The following FBXL17 variants were observed in gnomAD, a reference collection of about 807,000 sequenced individuals.
FBXL17 encodes F-box/LRR-repeat protein 17.
Under a neutral mutation model 66.2 loss-of-function variants are expected in FBXL17, and 22 were observed. The ratio of observed to expected loss-of-function variants is 0.33; its 90% CI spans 0.24 to 0.47. FBXL17 has a LOEUF of 0.47. FBXL17 is among the 20% of genes least tolerant of loss of function. The pLI is 1.00. For synonymous variants in FBXL17, 474 were observed against 400.5 expected, an observed-to-expected ratio of 1.18 and a Z score of -2.19; for missense variants, 878 against 948.2, an observed-to-expected ratio of 0.93 and a Z score of 0.97.
chr5:107,871,066 A>AC (rs747732344), intron 8 of FBXL17, among the ~76,000 whole-genome samples: 17,353 of 147,678 alleles, frequency 0.12, 2,109 homozygotes, highest in African/African-American at 0.21. Context: ...GCAAAAAAAA[A>AC]AAAAAAAAAA....
chr5:108,165,292 G>A (rs546743003), intron 6 of FBXL17, among the ~76,000 whole-genome samples: 2 of 151,248 alleles, frequency 1.3e-5, no homozygotes, highest in East Asian at 3.9e-4. Context: ...ACAGAAGGAA[G>A]TGGGTAAGTT....
intron 4 of FBXL17, among the ~76,000 whole-genome samples, chr5:108,261,267 G>T (rs1427799487): frequency 6.6e-6 from 1 of 151,608 alleles, no homozygotes; most frequent in Non-Finnish European, 1.5e-5. Flanking sequence ...GTGAGAAGAG[G>T]GAGGTTGACA....
At chr5:108,069,782 A>G (rs781189143) in intron 6 of FBXL17, among the ~76,000 whole-genome samples, 2 of 152,208 alleles carry the variant, frequency 1.3e-5, no homozygotes, top group East Asian at 3.8e-4. Context: ...CTCCTTACAT[A>G]TATCTTTCTA....
intron 7 of FBXL17, among the ~76,000 whole-genome samples, chr5:107,994,401 T>C (rs1323652980): frequency 2.0e-5 from 3 of 152,210 alleles, no homozygotes; most frequent in Non-Finnish European, 4.4e-5. Context: ...TGTGTGTGTG[T>C]GTGTATATAT....
At chr5:108,186,362 T>C (rs560789909) in intron 5 of FBXL17, 115 bp from the exon 6 acceptor site, 5 of 756,752 alleles carry the variant, frequency 6.6e-6, no homozygotes, top group South Asian at 2.1e-5. Context: ...TTAAAACAGA[T>C]AGGCTAGAAT....
chr5:107,980,664 A>ATATATATATATATTT lies in FBXL17; in HGVS notation c.1822+40260_1822+40261insAAATATATATATATA. 1.1e-4 allele frequency among the ~76,000 whole-genome samples: 7 copies of ATATATATATATATTT among 62,104 alleles called. 1 individual carries two copies. Among genetic ancestry groups the ATATATATATATATTT allele is most frequent in the African/African-American group, 7.2e-4 (7 of 9,736 alleles). 40.7% of individuals were successfully genotyped at this position (62,104 alleles called of 152,430 possible). A position where few individuals can be genotyped will look rare whatever the true frequency, so the allele number is the denominator to read the frequency against. Reference sequence around the variant, plus strand: ...TAAAATAATATATATATATATATATATTTTTTTTTTGAGATGGAGTCTTGC... The same window carrying ATATATATATATATTT: ...TAAAATAATATATATATATATATATATATATATATATATTTTTTTTTTTTTGAGATGGAGTCTTGC... On this transcript the variant is annotated intron_variant, in intron 7 of 8. Coordinates refer to ENST00000542267, the MANE Select transcript of FBXL17 (RefSeq NM_001163315.3).
chr5:108,123,030 A>AT (rs983023979), intron 6 of FBXL17, among the ~76,000 whole-genome samples: 4 of 150,960 alleles, frequency 2.6e-5, no homozygotes, highest in South Asian at 2.1e-4. Flanking sequence ...TTCTAGTGTG[A>AT]TTTTTACTTT....
At chr5:108,071,250 T>C (rs1748318892) in intron 6 of FBXL17, among the ~76,000 whole-genome samples, 1 of 152,182 alleles carries the variant, frequency 6.6e-6, no homozygotes, top group Non-Finnish European at 1.5e-5. Context: ...GCAGTAGAAA[T>C]GTGAGTACTA....
At chr5:108,332,941 C>CAAAAAAAAAAAAAAA (rs34218940) in intron 4 of FBXL17, among the ~76,000 whole-genome samples, 28 of 34,756 alleles carry the variant, frequency 8.1e-4, no homozygotes, top group East Asian at 9.7e-4. Flanking sequence ...AAAGCAAAAG[C>CAAAAAAAAAAAAAAA]AAAAAAAAAA....
chr5:108,168,607 A>G (rs756378450), intron 6 of FBXL17, among the ~76,000 whole-genome samples: 2 of 152,190 alleles, frequency 1.3e-5, no homozygotes, highest in African/African-American at 4.8e-5. Flanking sequence ...CTCTATCTAA[A>G]TGCTTGCAGG....
At chr5:108,100,787 C>T (rs1335229390) in intron 6 of FBXL17, among the ~76,000 whole-genome samples, 2 of 152,180 alleles carry the variant, frequency 1.3e-5, no homozygotes, top group Non-Finnish European at 2.9e-5. Context: ...AATGTCATAG[C>T]TTTAATGATC....
At chr5:108,228,679 A>T (rs1044221137) in intron 4 of FBXL17, among the ~76,000 whole-genome samples, 34 of 152,278 alleles carry the variant, frequency 2.2e-4, no homozygotes, top group Middle Eastern at 3.4e-3. Context: ...AGCCAGGACT[A>T]AAGGGTTGAA....
intron 4 of FBXL17, among the ~76,000 whole-genome samples, chr5:108,293,856 C>A (rs1369598649): frequency 6.6e-6 from 1 of 151,520 alleles, no homozygotes; most frequent in Non-Finnish European, 1.5e-5. Flanking sequence ...ACCTGGCCAA[C>A]GTGGTGAAAC....
At chr5:108,065,714 A>C (rs1489601761) in intron 6 of FBXL17, among the ~76,000 whole-genome samples, 2 of 152,124 alleles carry the variant, frequency 1.3e-5, no homozygotes, top group Non-Finnish European at 2.9e-5. Flanking sequence ...TCCAACATGA[A>C]AGAAAACGTT....
chr5:108,066,638 G>A (rs948434540), intron 6 of FBXL17, among the ~76,000 whole-genome samples: 5 of 151,748 alleles, frequency 3.3e-5, no homozygotes, highest in Non-Finnish European at 5.9e-5. Context: ...ACATTAAAAC[G>A]TTCTTTTCAT....
In FBXL17 at chr5:107,951,483, C is replaced by A. The variant is rs1020915573; in HGVS notation, c.1822+69442G>T. On this transcript the variant is annotated intron_variant, in intron 7 of 8. Coordinates refer to ENST00000542267, the MANE Select transcript of FBXL17 (RefSeq NM_001163315.3). ...TAACTGGGGGAAGCACATACTCTGG[C>A]AGGGCCTAGTGGGCCTGGTGCTGCA... 1.2e-4 allele frequency among the ~76,000 whole-genome samples: 19 copies of A among 152,338 alleles called. No individual in the cohort carries two copies. In the South Asian group the frequency reaches 2.7e-3, roughly 22 times the overall value.
chr5:108,111,340 G>A (rs1385290635), intron 6 of FBXL17, among the ~76,000 whole-genome samples: 2 of 152,194 alleles, frequency 1.3e-5, no homozygotes, highest in South Asian at 2.1e-4. Flanking sequence ...AACAAAACAA[G>A]ACTATATAAC....
At chr5:108,023,526 G>A (rs1471247904) in intron 6 of FBXL17, among the ~76,000 whole-genome samples, 1 of 152,072 alleles carries the variant, frequency 6.6e-6, no homozygotes, top group Non-Finnish European at 1.5e-5. Context: ...CCTATGTCGC[G>A]TTTCCCTGGC....
intron 4 of FBXL17, among the ~76,000 whole-genome samples, chr5:108,278,244 G>GA (rs1257294044): frequency 6.6e-6 from 1 of 152,136 alleles, no homozygotes; most frequent in East Asian, 1.9e-4. Flanking sequence ...AGAAGACTGT[G>GA]AAAAGGAACT....
Sources: allele counts gnomAD v4.1 joint callset (sites outside exome capture counted in the v4.1 genomes callset), GRCh38; gene constraint gnomAD v4.1.1; transcripts MANE v1.5; gene names NCBI Gene and HGNC (gene_info 2026-07-23, HGNC 2026-07-21).